Variants in PLA2G4E observed in about 807,000 individuals in gnomAD.
PLA2G4E encodes cytosolic phospholipase A2 epsilon.
PLA2G4E carries 84 observed loss-of-function variants against 109.1 expected under a neutral mutation model. The observed-to-expected ratio is 0.77, with a 90% CI of 0.65 to 0.92. The LOEUF is 0.92. Ranked by LOEUF, PLA2G4E falls within the 40% of genes least tolerant of loss-of-function variation. PLA2G4E has a pLI of 0.00. For missense variants in PLA2G4E, 1,057 were observed against 1,076.6 expected, an observed-to-expected ratio of 0.98 and a Z score of 0.25; for synonymous variants, 469 against 436.1, an observed-to-expected ratio of 1.08 and a Z score of -0.94.
exon 20 of PLA2G4E, chr15:41,983,295 C>T (rs781630205): frequency 1.3e-4 from 21 of 162,684 alleles, no homozygotes; most frequent in Non-Finnish European, 2.3e-4. Flanking sequence ...ACTAGAATTG[C>T]CTTAAATTTT....
At chr15:41,982,146 C>G (rs2068075894) in exon 20 of PLA2G4E, 2 of 152,208 alleles carry the variant, frequency 1.3e-5, no homozygotes, top group South Asian at 4.2e-4. Context: ...GGTTTCCTCA[C>G]AACCCAAAGA....
intron 1 of PLA2G4E, among the ~76,000 whole-genome samples, chr15:42,047,266 C>G (rs899445744): frequency 6.6e-6 from 1 of 152,318 alleles, no homozygotes; most frequent in East Asian, 1.9e-4. Context: ...CCCACAGCAC[C>G]TGACCAAGAA....
At chr15:42,029,950 A>G (rs1189445502) in intron 1 of PLA2G4E, among the ~76,000 whole-genome samples, 1 of 152,230 alleles carries the variant, frequency 6.6e-6, no homozygotes, top group African/African-American at 2.4e-5. Context: ...ATCACGTCAT[A>G]TATGAGAAGA....
At chr15:42,024,139 GA>G (rs2068672931) in intron 1 of PLA2G4E, among the ~76,000 whole-genome samples, 1 of 45,862 alleles carries the variant, frequency 2.2e-5, no homozygotes, top group Non-Finnish European at 3.9e-5. Flanking sequence ...GATGGGAGGG[GA>G]GCAGAGCAGA....
At chr15:42,027,291 G>C (rs1027241987) in intron 1 of PLA2G4E, among the ~76,000 whole-genome samples, 1 of 152,160 alleles carries the variant, frequency 6.6e-6, no homozygotes, top group Non-Finnish European at 1.5e-5. Context: ...TAAAATGATT[G>C]CCTTTCTGCT....
At chr15:41,992,641 C>T in intron 13 of PLA2G4E, 96 bp downstream of exon 13, 2 of 1,203,030 alleles carry the variant, frequency 1.7e-6, no homozygotes, top group Non-Finnish European at 2.3e-6. Flanking sequence ...TAACCTAATC[C>T]CCTGTGTGCA....
At chr15:41,990,827 G>C (rs957059103) in intron 13 of PLA2G4E, among the ~76,000 whole-genome samples, 1 of 149,390 alleles carries the variant, frequency 6.7e-6, no homozygotes, top group African/African-American at 2.5e-5. Context: ...CCCAGAGTGG[G>C]GAGCCTTTCA....
chr15:42,044,261 G>A (rs902117444), intron 1 of PLA2G4E, among the ~76,000 whole-genome samples: 25 of 152,058 alleles, frequency 1.6e-4, no homozygotes, highest in African/African-American at 5.8e-4. Context: ...AGACGTCAGG[G>A]ATGACCTCCC....
chr15:42,036,210 C>T (rs1018369208), intron 1 of PLA2G4E, among the ~76,000 whole-genome samples: 10 of 152,166 alleles, frequency 6.6e-5, no homozygotes, highest in Non-Finnish European at 1.3e-4. Flanking sequence ...AGGAGGCCGA[C>T]AGCCTCCTCT....
chr15:42,004,916 C>T (rs1176943395), intron 5 of PLA2G4E, 22 bp downstream of exon 5: 4 of 1,548,166 alleles, frequency 2.6e-6, no homozygotes, highest in Non-Finnish European at 1.7e-6. Context: ...CTTGGTGGGC[C>T]CCGGGGCCTG....
At chr15:42,001,410 A>T (rs571495290) in intron 6 of PLA2G4E, among the ~76,000 whole-genome samples, 190 bp from the exon 7 acceptor site, 6 of 152,332 alleles carry the variant, frequency 3.9e-5, no homozygotes, top group Middle Eastern at 3.4e-3. Context: ...ACTCAGAGAT[A>T]GGATACTTGA....
chr15:41,996,492 C>T (rs2033143202), intron 11 of PLA2G4E, among the ~76,000 whole-genome samples: 1 of 152,166 alleles, frequency 6.6e-6, no homozygotes, highest in Non-Finnish European at 1.5e-5. Context: ...CTCGGGCACC[C>T]GCCAGGTCTC....
At chr15:42,010,853 CT>C (rs11317078) in intron 2 of PLA2G4E, among the ~76,000 whole-genome samples, 39,720 of 152,092 alleles carry the variant, frequency 0.26, 5,671 homozygotes, top group African/African-American at 0.36. Context: ...AGCCCTGAAT[CT>C]TGAGTATTCA....
In PLA2G4E at chr15:42,032,961, G is replaced by A. The variant is rs115643097; in HGVS notation, c.183+17560C>T. Among the ~76,000 whole-genome samples the A allele has an allele frequency of 5.9e-3, 893 of 152,290 alleles. 8 individuals carry two copies. The highest frequency in any genetic ancestry group is 0.02 in the African/African-American group (832 of 41,544). On this transcript the variant is annotated intron_variant, in intron 1 of 19. Coordinates refer to ENST00000399518, the Ensembl canonical transcript of PLA2G4E. ...CCCCACCCCTCCCCACTGCATGTGTGTGTGAGTGTGTGAGAAGTGTGTGAG... is the reference window on the plus strand; with the variant it reads ...CCCCACCCCTCCCCACTGCATGTGTATGTGAGTGTGTGAGAAGTGTGTGAG...
rs544295950 is a variant in PLA2G4E, at chr15:42,018,761, C to T, written c.184-5004G>A. The stretch of plus-strand genomic sequence containing the variant: ...GATTCTGGGGTTGATCTTGGCAGGA[C>T]TCCACTGCCCCCTGGGGACCTACTG... On this transcript the variant is annotated intron_variant, in intron 1 of 19. Transcript: ENST00000399518. Among the ~76,000 whole-genome samples, 14 of 152,274 alleles carry T rather than the reference C, an allele frequency of 9.2e-5. No homozygotes were observed. In the South Asian group the frequency reaches 2.9e-3, roughly 32 times the overall value.
chr15:42,047,392 C>T (rs1889433099), intron 1 of PLA2G4E, among the ~76,000 whole-genome samples: 1 of 152,182 alleles, frequency 6.6e-6, no homozygotes, highest in Non-Finnish European at 1.5e-5. Context: ...GGCAAGAGAG[C>T]ACAAGAGAGA....
rs540119085 is a variant in PLA2G4E at position 42,003,887 on chromosome 15, C to T, written c.566+1051G>A. 4.0e-5 allele frequency among the ~76,000 whole-genome samples: 6 copies of T among 151,594 alleles called. No individual in the cohort carries two copies. The East Asian group carries it at 1.2e-3, about 29-fold the overall frequency. ...CCTTTCTTTCTTTCTTTCTTCCTTT[C>T]CTTCCTTTCCTTGCTTTCCTTCCTT... On this transcript the variant is annotated intron_variant, in intron 5 of 19. Coordinates refer to ENST00000399518, the Ensembl canonical transcript of PLA2G4E.
At chr15:41,986,050 C>G in intron 17 of PLA2G4E, 45 bp from the exon 18 acceptor site, 1 of 1,550,724 alleles carries the variant, frequency 6.4e-7, no homozygotes, top group East Asian at 2.4e-5. Flanking sequence ...GGTGCCCTGA[C>G]AGCCAATGGA....
intron 1 of PLA2G4E, chr15:42,050,421 C>T (rs1419399555): frequency 2.2e-6 from 3 of 1,359,426 alleles, no homozygotes; most frequent in East Asian, 2.5e-5. Context: ...AAAACCACAA[C>T]CTCTTAACTC....
Sources: allele counts gnomAD v4.1 joint callset (sites outside exome capture counted in the v4.1 genomes callset), GRCh38; gene constraint gnomAD v4.1.1; transcripts MANE v1.5; gene names NCBI Gene and HGNC (gene_info 2026-07-23, HGNC 2026-07-21).